TASP1: variants seen among roughly 807,000 people sequenced by gnomAD.
TASP1 encodes threonine aspartase 1.
A neutral mutation model predicts 56.6 loss-of-function variants in TASP1; 16 were observed. That is an observed-to-expected ratio of 0.28 (90% CI 0.19 to 0.43). The LOEUF (loss-of-function observed/expected upper bound fraction) is 0.43, where lower values mean the gene tolerates loss of function less well. Among genes scored for constraint, TASP1 ranks in the 20% least tolerant of loss-of-function variants. The probability of loss-of-function intolerance (pLI) is 1.00; values close to 1 mark genes in which losing one functional copy is unlikely to be tolerated. For missense variants in TASP1, 393 were observed against 511.6 expected, an observed-to-expected ratio of 0.77 and a Z score of 2.24; for synonymous variants, 179 against 184.2, an observed-to-expected ratio of 0.97 and a Z score of 0.23.
the TASP1 span, among the ~76,000 whole-genome samples, chr20:13,259,849 T>C: frequency 1.3e-5 from 2 of 152,240 alleles, no homozygotes; most frequent in African/African-American, 4.8e-5. Context: ...TACTAAGTGA[T>C]AAACTTGCAG....
intron 11 of TASP1, among the ~76,000 whole-genome samples, chr20:13,444,152 C>T (rs898718050): frequency 4.6e-5 from 7 of 152,154 alleles, no homozygotes; most frequent in Non-Finnish European, 1.0e-4. Context: ...TTCATCTCTA[C>T]CCACAAGCAC....
chr20:13,270,448 G>A, the TASP1 span: 3 of 1,550,304 alleles, frequency 1.9e-6, no homozygotes, highest in Non-Finnish European at 1.7e-6. Context: ...TGTTAAGGGT[G>A]ACATTTTTTA....
chr20:13,602,613 G>A (rs2048005287), intron 4 of TASP1, among the ~76,000 whole-genome samples: 1 of 152,128 alleles, frequency 6.6e-6, no homozygotes, highest in Non-Finnish European at 1.5e-5. Context: ...ATGGGGTGGG[G>A]AATGGTTTTA....
chr20:13,488,204 G>T lies in TASP1; in HGVS notation c.875-4867C>A, dbSNP rs562285472. ...AGTTATTAAACTGAAGATCCACAGA[G>T]TTCCAAAAAAGAGGAATAAAAATAG... On this transcript the variant is annotated intron_variant, in intron 10 of 13. Transcript: ENST00000337743. 4.6e-5 allele frequency among the ~76,000 whole-genome samples: 7 copies of T among 152,036 alleles called. No homozygotes were observed. In the East Asian group the frequency reaches 1.2e-3, roughly 25 times the overall value.
At chr20:13,318,192 C>G in the TASP1 span, among the ~76,000 whole-genome samples, 1 of 133,896 alleles carries the variant, frequency 7.5e-6, no homozygotes, top group Non-Finnish European at 1.6e-5. Flanking sequence ...ACAGACACTT[C>G]ACCAAAGAAG....
chr20:13,377,387 G>A, the TASP1 span, among the ~76,000 whole-genome samples: 73 of 152,190 alleles, frequency 4.8e-4, no homozygotes, highest in Non-Finnish European at 1.0e-4. Context: ...ATTGATTTGT[G>A]TATGTTGAAT....
At chr20:13,239,954 T>C in the TASP1 span, among the ~76,000 whole-genome samples, 38,343 of 152,156 alleles carry the variant, frequency 0.25, 4,928 homozygotes, top group African/African-American at 0.31. Context: ...TTAGAGTAAG[T>C]GTACATCTAA....
At chr20:13,120,622 A>G in the TASP1 span, among the ~76,000 whole-genome samples, 3 of 152,354 alleles carry the variant, frequency 2.0e-5, no homozygotes, top group Middle Eastern at 3.4e-3. Flanking sequence ...GGTCAAGGTC[A>G]GAGTTTTATA....
the TASP1 span, among the ~76,000 whole-genome samples, chr20:13,187,416 A>T: frequency 2.7e-4 from 40 of 148,366 alleles, no homozygotes; most frequent in African/African-American, 9.6e-4. Flanking sequence ...AACAACAATT[A>T]AAAAAAAAAC....
intron 10 of TASP1, among the ~76,000 whole-genome samples, chr20:13,490,900 G>T (rs753852583): frequency 1.3e-5 from 2 of 152,088 alleles, no homozygotes; most frequent in African/African-American, 4.8e-5. Context: ...CATTTAGCAT[G>T]GAGTTGACCA....
At chr20:13,349,771 C>T in the TASP1 span, among the ~76,000 whole-genome samples, 16 of 152,256 alleles carry the variant, frequency 1.1e-4, no homozygotes, top group African/African-American at 3.9e-4. Flanking sequence ...TCACGGGATA[C>T]AAGATCAGCA....
the TASP1 span, among the ~76,000 whole-genome samples, chr20:13,226,748 C>T: frequency 5.7e-4 from 86 of 152,176 alleles, no homozygotes; most frequent in African/African-American, 2.0e-3. Context: ...ATGGTGGACT[C>T]AGAGCAGCAA....
At chr20:13,113,537 T>C in the TASP1 span, among the ~76,000 whole-genome samples, 1 of 152,176 alleles carries the variant, frequency 6.6e-6, no homozygotes, top group Non-Finnish European at 1.5e-5. Context: ...TCCACAAAAC[T>C]AATAATAATA....
the TASP1 span, chr20:13,270,744 G>A: frequency 6.2e-7 from 1 of 1,612,996 alleles, no homozygotes; most frequent in South Asian, 1.1e-5. Context: ...AAATATCCAG[G>A]TAATTCTTGG....
the TASP1 span, among the ~76,000 whole-genome samples, chr20:13,162,596 T>TGCGACC: frequency 6.6e-6 from 1 of 152,214 alleles, no homozygotes; most frequent in Non-Finnish European, 1.5e-5. Context: ...AAATGCACTC[T>TGCGACC]GCGACCACAT....
chr20:13,427,986 C>G (rs751369110), intron 12 of TASP1, among the ~76,000 whole-genome samples: 73 of 152,246 alleles, frequency 4.8e-4, no homozygotes, highest in Non-Finnish European at 9.9e-4. Flanking sequence ...TAATCAGGCT[C>G]TGGATGAACT....
chr20:13,377,144 T>C, the TASP1 span, among the ~76,000 whole-genome samples: 1 of 152,188 alleles, frequency 6.6e-6, no homozygotes, highest in Non-Finnish European at 1.5e-5. Context: ...GGCATGCTTG[T>C]CTTGTGCCAG....
the TASP1 span, among the ~76,000 whole-genome samples, chr20:13,357,562 C>G: frequency 6.6e-6 from 1 of 152,116 alleles, no homozygotes; most frequent in South Asian, 2.1e-4. Flanking sequence ...AATGGAAGAT[C>G]AATTACTCTG....
chr20:13,292,787 CT>C, the TASP1 span, among the ~76,000 whole-genome samples: 1 of 152,272 alleles, frequency 6.6e-6, no homozygotes, highest in Admixed American at 6.5e-5. Flanking sequence ...CTTACTCAGC[CT>C]TCATTGAGCG....
Sources: allele counts gnomAD v4.1 joint callset (sites outside exome capture counted in the v4.1 genomes callset), GRCh38; gene constraint gnomAD v4.1.1; transcripts MANE v1.5; gene names NCBI Gene and HGNC (gene_info 2026-07-23, HGNC 2026-07-21).